NXN: variants seen among roughly 807,000 people sequenced by gnomAD.
The protein encoded by NXN is nucleoredoxin, also known as nucleoredoxin 1.
Under a neutral mutation model 48.6 loss-of-function variants are expected in NXN, and 16 were observed. That is an observed-to-expected ratio of 0.33 (90% confidence interval 0.22 to 0.50). NXN has a LOEUF of 0.50. NXN is among the 20% of genes least tolerant of loss of function. NXN has a pLI of 0.98. For missense variants in NXN, 492 were observed against 605.5 expected, an observed-to-expected ratio of 0.81 and a Z score of 1.97; for synonymous variants, 281 against 269.6, an observed-to-expected ratio of 1.04 and a Z score of -0.41.
rs546775847 is a variant in NXN at position 814,551 on chromosome 17, G to A, written c.820+4888C>T. Among the ~76,000 whole-genome samples the A allele has an allele frequency of 7.1e-4, 108 of 152,200 alleles. 2 individuals are homozygous for A. The highest frequency in any genetic ancestry group is 9.3e-4 in the Non-Finnish European group (63 of 68,040). ...GTGTCCGTCTTCCAGGCCCTCGTAC[G>A]AAATGACACGTACTCGGACCAACAC... On this transcript the variant is annotated intron_variant, in intron 5 of 7. Transcript: ENST00000336868.
intron 1 of NXN, among the ~76,000 whole-genome samples, chr17:846,679 T>TA (rs968743194): frequency 6.6e-6 from 1 of 150,622 alleles, no homozygotes; most frequent in African/African-American, 2.5e-5. Context: ...GATTTTTTTT[T>TA]AGATAGGGTG....
chr17:836,079 G>A lies in NXN; in HGVS notation c.361-10001C>T, dbSNP rs573103101. ...TTCGTCAGCCCCCACAGAGGCCGCG[G>A]GGAAAAAACACCGGTGGGATTCGTC... On this transcript the variant is annotated intron_variant, in intron 1 of 7. Coordinates refer to ENST00000336868, the MANE Select transcript of NXN (RefSeq NM_022463.5). 4.2e-4 allele frequency among the ~76,000 whole-genome samples: 28 copies of A among 67,192 alleles called. 6 individuals are homozygous for A. In the South Asian group the frequency reaches 5.4e-3, roughly 13 times the overall value. 44.1% of individuals were successfully genotyped at this position (67,192 alleles called of 152,430 possible). A position where few individuals can be genotyped will look rare whatever the true frequency, so the allele number is the denominator to read the frequency against.
intron 1 of NXN, among the ~76,000 whole-genome samples, chr17:867,318 G>A (rs2068104373): frequency 8.0e-6 from 1 of 124,230 alleles, no homozygotes; most frequent in African/African-American, 3.1e-5. Context: ...AGTTCTCGGG[G>A]TTCTCCGGGG....
At chr17:906,740 T>C (rs567267012) in intron 1 of NXN, among the ~76,000 whole-genome samples, 4 of 151,842 alleles carry the variant, frequency 2.6e-5, no homozygotes, top group African/African-American at 7.2e-5. Flanking sequence ...ACAACTTTTT[T>C]TTTTTTTTAG....
In NXN at chr17:917,204, C is replaced by T. The variant is rs1019153436; in HGVS notation, c.360+62115G>A. ...TAGCCCAGGCTGGAGTGCAATGGCG[C>T]GACCTCGGCTCGCCGTGGCCTCCGC... On this transcript the variant is annotated intron_variant, in intron 1 of 7. Transcript: ENST00000336868. The surrounding 1 kb of genome is among the most constrained non-coding windows in gnomAD (Gnocchi z 4.5). 4.6e-5 allele frequency among the ~76,000 whole-genome samples: 7 copies of T among 151,972 alleles called. No individual in the cohort carries two copies. The highest frequency in any genetic ancestry group is 3.4e-3 in the Middle Eastern group (1 of 294).
chr17:918,679 G>A (rs905021355), intron 1 of NXN, among the ~76,000 whole-genome samples: 5 of 151,566 alleles, frequency 3.3e-5, no homozygotes, highest in Admixed American at 2.0e-4. Flanking sequence ...TGTAATCCCA[G>A]CTACTCAGGA....
chr17:840,968 C>T (rs554020913), intron 1 of NXN, among the ~76,000 whole-genome samples: 26 of 152,316 alleles, frequency 1.7e-4, no homozygotes, highest in Admixed American at 3.3e-4. Context: ...CTCCACCGCA[C>T]GGCGGCGGGA....
At chr17:971,252 CTT>C (rs1424195986) in intron 1 of NXN, among the ~76,000 whole-genome samples, 1 of 151,874 alleles carries the variant, frequency 6.6e-6, no homozygotes, top group East Asian at 1.9e-4. Flanking sequence ...GGCCGAGTCT[CTT>C]TTAATAGACT....
rs1441617102 is a variant in NXN, at chr17:821,043, C to T, written c.713+1314G>A. On this transcript the variant is annotated intron_variant, in intron 4 of 7. Coordinates refer to ENST00000336868, the MANE Select transcript of NXN (RefSeq NM_022463.5). ...GTGGCATGGCAGAGACGGGGAGCTG[C>T]GGCACGGCAGAGACGGGGAGCTGTG... Among the ~76,000 whole-genome samples the T allele has an allele frequency of 2.4e-4, 15 of 63,682 alleles. 7 individuals carry two copies. Among genetic ancestry groups the T allele is most frequent in the African/African-American group, 1.5e-3 (15 of 9,956 alleles). 41.8% of individuals were successfully genotyped at this position (63,682 alleles called of 152,430 possible). A position where few individuals can be genotyped will look rare whatever the true frequency, so the allele number is the denominator to read the frequency against.
At chr17:806,719 G>A (rs1024855711) in intron 5 of NXN, among the ~76,000 whole-genome samples, 1 of 152,184 alleles carries the variant, frequency 6.6e-6, no homozygotes, top group Non-Finnish European at 1.5e-5. Context: ...CCTGTCGGGG[G>A]GATGCCGAGG....
At chr17:879,551 T>C (rs1405865261) in intron 1 of NXN, among the ~76,000 whole-genome samples, 2 of 151,874 alleles carry the variant, frequency 1.3e-5, no homozygotes, top group Admixed American at 1.3e-4. Context: ...CCTCCCAAAG[T>C]GCTGGGACTA....
At chr17:841,948 T>A (rs1241579622) in intron 1 of NXN, among the ~76,000 whole-genome samples, 1 of 151,988 alleles carries the variant, frequency 6.6e-6, no homozygotes, top group African/African-American at 2.4e-5. Context: ...GCCAGCCTGG[T>A]CAACATGGTG....
At chr17:949,779 A>G (rs1480207751) in intron 1 of NXN, among the ~76,000 whole-genome samples, 2 of 150,724 alleles carry the variant, frequency 1.3e-5, no homozygotes, top group Admixed American at 1.3e-4. Flanking sequence ...CAGTCTGGAA[A>G]GGGGCAGCCA....
chr17:952,801 G>A (rs7218179), intron 1 of NXN, among the ~76,000 whole-genome samples: 15 of 108,478 alleles, frequency 1.4e-4, no homozygotes, highest in South Asian at 3.2e-4. Context: ...CAGGTACCAC[G>A]GACGGTCACA....
intron 1 of NXN, among the ~76,000 whole-genome samples, chr17:847,658 T>A (rs1472866088): frequency 1.3e-5 from 2 of 152,104 alleles, no homozygotes; most frequent in African/African-American, 4.8e-5. Context: ...GATGCCTTTA[T>A]ATAGAAACGG....
chr17:846,866 G>A (rs997183039), intron 1 of NXN, among the ~76,000 whole-genome samples: 1 of 150,580 alleles, frequency 6.6e-6, no homozygotes, highest in Admixed American at 6.6e-5. Context: ...GAGAAAAATG[G>A]TGGGGGTGGA....
In NXN at chr17:920,380, G is replaced by A. The variant is rs1013950664; in HGVS notation, c.360+58939C>T. Among the ~76,000 whole-genome samples, 1 of 150,920 alleles carries A rather than the reference G, an allele frequency of 6.6e-6. No homozygotes were observed. Among genetic ancestry groups the A allele is most frequent in the African/African-American group, 2.5e-5 (1 of 40,562 alleles). ...CTCTCCTCCCAGCCCCGAGCGCCTG[G>A]GGATACCTAGGCCCTCCTGTCATGC... On this transcript the variant is annotated intron_variant, in intron 1 of 7. Transcript: ENST00000336868. The surrounding 1 kb of genome is among the most constrained non-coding windows in gnomAD (Gnocchi z 4.6).
At chr17:888,989 C>T (rs773485899) in intron 1 of NXN, among the ~76,000 whole-genome samples, 1 of 148,668 alleles carries the variant, frequency 6.7e-6, no homozygotes. Flanking sequence ...AAAAGATTGA[C>T]GGAGCCACTT....
At chr17:899,325 A>C (rs113056264) in intron 1 of NXN, among the ~76,000 whole-genome samples, 40 of 152,282 alleles carry the variant, frequency 2.6e-4, no homozygotes, top group African/African-American at 7.5e-4. Context: ...ACTTTGCTTA[A>C]TACTCCATCT....
Sources: allele counts gnomAD v4.1 joint callset (sites outside exome capture counted in the v4.1 genomes callset), GRCh38; gene constraint gnomAD v4.1.1; non-coding constraint Gnocchi (gnomAD v3.1); transcripts MANE v1.5; gene names NCBI Gene and HGNC (gene_info 2026-07-23, HGNC 2026-07-21).